SAMD5: variants seen among roughly 807,000 people sequenced by gnomAD.
SAMD5 encodes the protein sterile alpha motif domain containing 5.
SAMD5 carries 13 observed loss-of-function variants against 11.3 expected under a neutral mutation model. That is an observed-to-expected ratio of 1.15 (90% CI 0.75 to 1.83). The LOEUF (loss-of-function observed/expected upper bound fraction) is 1.83, where lower values mean the gene tolerates loss of function less well. SAMD5 is among the 40% of genes most tolerant of loss of function. The pLI is 0.00. For missense variants in SAMD5, 255 were observed against 239.1 expected (o/e 1.07, Z -0.44); for synonymous variants, 129 against 111.3 (o/e 1.16, Z -1.00).
intron 1 of SAMD5, among the ~76,000 whole-genome samples, chr6:147,735,928 A>G (rs989292902): frequency 6.6e-6 from 1 of 152,158 alleles, no homozygotes; most frequent in Non-Finnish European, 1.5e-5. Context: ...GCTCTTTCTC[A>G]GTGCAACCTT....
chr6:147,550,771 G>A (rs1788757689), intron 1 of SAMD5, among the ~76,000 whole-genome samples: 1 of 152,144 alleles, frequency 6.6e-6, no homozygotes, highest in Admixed American at 6.5e-5. Context: ...GGTGGGCAGA[G>A]GTGAGGGATG....
chr6:147,948,086 T>C, the SAMD5 span, among the ~76,000 whole-genome samples: 1 of 152,170 alleles, frequency 6.6e-6, no homozygotes, highest in African/African-American at 2.4e-5. Context: ...CAATAACATT[T>C]TTATTAAGCT....
At position 147,691,976 on chromosome 6, in the gene SAMD5, C is replaced by CAT. The variant is rs1473001673; in HGVS notation, c.163-45340_163-45339insTA. Among the ~76,000 whole-genome samples, 3 of 151,508 alleles carry CAT rather than the reference C, an allele frequency of 2.0e-5. No individual in the cohort carries two copies. In the East Asian group the frequency reaches 5.8e-4, roughly 29 times the overall value. On this transcript the variant is annotated intron_variant, in intron 1 of 1. Transcript: ENST00000566741. Reference sequence around the variant, plus strand: ...TCAGCTATAAGTAGGATGTATGTGACACACACACACACACACACCCCCCTG... The same window carrying CAT: ...TCAGCTATAAGTAGGATGTATGTGACATACACACACACACACACACCCCCCTG...
intron 1 of SAMD5, among the ~76,000 whole-genome samples, chr6:147,592,943 G>T (rs1789477354): frequency 1.3e-5 from 2 of 152,128 alleles, no homozygotes; most frequent in African/African-American, 4.8e-5. Flanking sequence ...GACTTTTGGA[G>T]CTAGAAGAGA....
At chr6:147,681,212 C>G (rs1477711525) in intron 1 of SAMD5, among the ~76,000 whole-genome samples, 1 of 152,114 alleles carries the variant, frequency 6.6e-6, no homozygotes, top group Non-Finnish European at 1.5e-5. Context: ...GCAACTGATG[C>G]ATTTTCCATT....
At chr6:147,897,135 T>C in the SAMD5 span, among the ~76,000 whole-genome samples, 2 of 152,212 alleles carry the variant, frequency 1.3e-5, no homozygotes, top group Non-Finnish European at 2.9e-5. Context: ...CTGAAATGTG[T>C]ATTTTAAATG....
chr6:147,592,801 G>A (rs559023171), intron 1 of SAMD5, among the ~76,000 whole-genome samples: 7 of 152,260 alleles, frequency 4.6e-5, no homozygotes, highest in South Asian at 2.1e-4. Flanking sequence ...CCTGGGATCC[G>A]ACATGGAGTA....
chr6:147,662,763 T>A (rs921397961), intron 1 of SAMD5, among the ~76,000 whole-genome samples: 9 of 152,168 alleles, frequency 5.9e-5, no homozygotes, highest in African/African-American at 2.2e-4. Flanking sequence ...ACATCAGTCT[T>A]CTGCATGCAC....
the SAMD5 span, among the ~76,000 whole-genome samples, chr6:147,840,727 A>G: frequency 1.3e-5 from 2 of 152,344 alleles, no homozygotes; most frequent in East Asian, 3.9e-4. Context: ...TTATTGGTAA[A>G]AGAGAGGTAA....
intron 1 of SAMD5, among the ~76,000 whole-genome samples, chr6:147,652,765 C>T (rs1277075484): frequency 6.6e-6 from 1 of 152,208 alleles, no homozygotes; most frequent in African/African-American, 2.4e-5. Flanking sequence ...TGATTCTTCA[C>T]ACTTTTTCTT....
At chr6:147,881,010 T>C in the SAMD5 span, among the ~76,000 whole-genome samples, 9 of 152,296 alleles carry the variant, frequency 5.9e-5, no homozygotes, top group African/African-American at 2.2e-4. Flanking sequence ...TAACTTTTAC[T>C]TGAGCAGTTT....
chr6:147,904,600 AT>A, the SAMD5 span, among the ~76,000 whole-genome samples: 1 of 152,274 alleles, frequency 6.6e-6, no homozygotes, highest in South Asian at 2.1e-4. Flanking sequence ...CCCAAGCCAG[AT>A]TCCTTTGTCA....
At chr6:147,704,358 CT>C (rs1181020474) in intron 1 of SAMD5, among the ~76,000 whole-genome samples, 1 of 152,078 alleles carries the variant, frequency 6.6e-6, no homozygotes, top group Non-Finnish European at 1.5e-5. Context: ...CCAAACCCTT[CT>C]CATTGTATTA....
chr6:147,646,829 A>G (rs577098810), intron 1 of SAMD5, among the ~76,000 whole-genome samples: 1 of 152,136 alleles, frequency 6.6e-6, no homozygotes, highest in East Asian at 1.9e-4. Flanking sequence ...GCCAGATAAA[A>G]GAAAATGTTA....
the SAMD5 span, among the ~76,000 whole-genome samples, chr6:147,778,465 C>T: frequency 2.0e-5 from 3 of 152,164 alleles, no homozygotes; most frequent in Non-Finnish European, 4.4e-5. Context: ...ATCCCTTGCC[C>T]ACCATGAACC....
chr6:147,678,736 T>G (rs1790899764), intron 1 of SAMD5, among the ~76,000 whole-genome samples: 2 of 152,072 alleles, frequency 1.3e-5, no homozygotes, highest in South Asian at 2.1e-4. Flanking sequence ...GAGGGAAGGG[T>G]TTTCTCACTG....
the SAMD5 span, among the ~76,000 whole-genome samples, chr6:147,875,341 G>T: frequency 2.0e-5 from 3 of 152,106 alleles, no homozygotes; most frequent in Non-Finnish European, 2.9e-5. Flanking sequence ...ACCACTTAGA[G>T]CAACGACCAA....
chr6:147,585,063 GT>G (rs1369306403), intron 1 of SAMD5, among the ~76,000 whole-genome samples: 7 of 151,832 alleles, frequency 4.6e-5, no homozygotes, highest in Non-Finnish European at 8.8e-5. Flanking sequence ...TATGTGCTTT[GT>G]CCCCAACCTC....
chr6:147,806,969 G>A, the SAMD5 span, among the ~76,000 whole-genome samples: 1 of 129,556 alleles, frequency 7.7e-6, no homozygotes, highest in East Asian at 1.9e-4. Context: ...CATCTGCAGG[G>A]GAGTAAAAGA....
Sources: allele counts gnomAD v4.1 joint callset (sites outside exome capture counted in the v4.1 genomes callset), GRCh38; gene constraint gnomAD v4.1.1; transcripts MANE v1.5; gene names NCBI Gene and HGNC (gene_info 2026-07-23, HGNC 2026-07-21).